CHST11: variants seen among roughly 807,000 people sequenced by gnomAD.
The protein encoded by CHST11 is carbohydrate sulfotransferase 11.
CHST11 carries 9 observed loss-of-function variants against 30.4 expected under a neutral mutation model. The ratio of observed to expected loss-of-function variants is 0.30; its 90% CI spans 0.18 to 0.52. CHST11 has a LOEUF of 0.52. Among genes scored for constraint, CHST11 ranks in the 20% least tolerant of loss-of-function variants. CHST11 has a pLI of 0.97. For synonymous variants in CHST11, 152 were observed against 187.8 expected (o/e 0.81, Z 1.56); for missense variants, 348 against 460.6 (o/e 0.76, Z 2.24).
intron 1 of CHST11, among the ~76,000 whole-genome samples, chr12:104,486,245 G>A (rs372335341): frequency 3.9e-4 from 59 of 151,878 alleles, no homozygotes; most frequent in African/African-American, 1.3e-3. Flanking sequence ...TACCAGTCAC[G>A]GGCAGTCTTC....
intron 1 of CHST11, among the ~76,000 whole-genome samples, chr12:104,479,372 G>C (rs768719980): frequency 1.3e-4 from 19 of 151,888 alleles, no homozygotes; most frequent in Non-Finnish European, 2.4e-4. Context: ...TTCCACAAAA[G>C]TTCTGGAATG....
At position 104,753,743 on chromosome 12, in the gene CHST11, C is replaced by G. The variant is rs559403113; in HGVS notation, c.205-3206C>G. Among the ~76,000 whole-genome samples the G allele has an allele frequency of 1.1e-4, 16 of 152,358 alleles. No homozygotes were observed. In the South Asian group the frequency reaches 3.3e-3, roughly 32 times the overall value. ...CCCAACATTAAAGGTGGCCAAGACC[C>G]CGGCAGTCAGCTAATCTAACTGCCT... On this transcript the variant is annotated intron_variant, in intron 2 of 2. Coordinates refer to ENST00000303694, the MANE Select transcript of CHST11 (RefSeq NM_018413.6).
chr12:104,647,868 C>G (rs1330986876), intron 2 of CHST11, among the ~76,000 whole-genome samples: 1 of 152,194 alleles, frequency 6.6e-6, no homozygotes, highest in African/African-American at 2.4e-5. Flanking sequence ...GTGGTGCCCT[C>G]ACATGGTTAT....
intron 1 of CHST11, chr12:104,514,053 A>C: frequency 1.0e-6 from 1 of 984,480 alleles, no homozygotes; most frequent in Non-Finnish European, 1.6e-6. Flanking sequence ...GGCACTACTC[A>C]TTTCTCTAGC....
chr12:104,734,050 C>T (rs555487794), intron 2 of CHST11, among the ~76,000 whole-genome samples: 1 of 152,302 alleles, frequency 6.6e-6, no homozygotes, highest in African/African-American at 2.4e-5. Flanking sequence ...GGGCACTGCT[C>T]CTCCAAAGAA....
rs534005009 is a variant in CHST11 at position 104,571,222 on chromosome 12, G to T, written c.119-30684G>T. ...CTTATTGCCCAGGCTGGAGTGCAATGGCCCGATCTCAGCTTACTGCAACCT... is the reference window on the plus strand; with the variant it reads ...CTTATTGCCCAGGCTGGAGTGCAATTGCCCGATCTCAGCTTACTGCAACCT... On this transcript the variant is annotated intron_variant, in intron 1 of 2. Coordinates refer to ENST00000303694, the MANE Select transcript of CHST11 (RefSeq NM_018413.6). 1.1e-4 allele frequency among the ~76,000 whole-genome samples: 16 copies of T among 148,396 alleles called. No homozygotes were observed. In the Admixed American group the frequency reaches 1.1e-3, roughly 10 times the overall value.
chr12:104,457,484 TC>T lies in CHST11; in HGVS notation c.75del (p.Phe26LeufsTer60). ...CRMVLATCLG[S>X]FILVIFYFQS... ...GATGGTGCTGGCCACTTGCTTGGGA[TC>T]CTTTATCCTGGTCATCTTCTATTTC... On this transcript the variant is annotated frameshift_variant, in exon 1 of 3. Transcript: ENST00000303694. LOFTEE classifies it high-confidence loss of function. 1 of 1,614,168 alleles carries T rather than the reference TC, an allele frequency of 6.2e-7. No individual in the cohort carries two copies. Among genetic ancestry groups the T allele is most frequent in the Non-Finnish European group, 8.5e-7 (1 of 1,179,972 alleles).
At chr12:104,580,312 TA>T (rs1456818038) in intron 1 of CHST11, among the ~76,000 whole-genome samples, 1 of 152,226 alleles carries the variant, frequency 6.6e-6, no homozygotes, top group Non-Finnish European at 1.5e-5. Flanking sequence ...TCAGCCACAA[TA>T]AAGCCAAAAG....
chr12:104,608,429 C>A (rs980446416), intron 2 of CHST11, among the ~76,000 whole-genome samples: 4 of 152,142 alleles, frequency 2.6e-5, no homozygotes, highest in Admixed American at 1.3e-4. Flanking sequence ...TCACTAAAAC[C>A]TTGGCACTAT....
intron 2 of CHST11, among the ~76,000 whole-genome samples, chr12:104,605,048 C>G (rs1256416741): frequency 6.7e-6 from 1 of 148,846 alleles, no homozygotes; most frequent in Non-Finnish European, 1.5e-5. Flanking sequence ...GAGTGAAATT[C>G]AACCCAAAAA....
At chr12:104,518,537 C>A (rs2038046995) in intron 1 of CHST11, among the ~76,000 whole-genome samples, 1 of 152,124 alleles carries the variant, frequency 6.6e-6, no homozygotes, top group Admixed American at 6.5e-5. Context: ...CTTTGAAGGA[C>A]CCCGGGCAGA....
chr12:104,621,371 C>A (rs2039156899), intron 2 of CHST11, among the ~76,000 whole-genome samples: 1 of 152,260 alleles, frequency 6.6e-6, no homozygotes, highest in South Asian at 2.1e-4. Flanking sequence ...CAGGGCCATT[C>A]AAAACCCAAG....
intron 2 of CHST11, among the ~76,000 whole-genome samples, chr12:104,674,103 C>T (rs2039719663): frequency 6.6e-6 from 1 of 152,142 alleles, no homozygotes; most frequent in Admixed American, 6.5e-5. Context: ...TTTCAGACTG[C>T]GGTCCCAGAG....
At chr12:104,483,997 T>C (rs954144400) in intron 1 of CHST11, among the ~76,000 whole-genome samples, 1 of 152,248 alleles carries the variant, frequency 6.6e-6, no homozygotes, top group Admixed American at 6.5e-5. Context: ...TGTTTGTTTC[T>C]ACTACTGTCT....
At chr12:104,655,071 C>T (rs2039530147) in intron 2 of CHST11, among the ~76,000 whole-genome samples, 1 of 152,212 alleles carries the variant, frequency 6.6e-6, no homozygotes, top group African/African-American at 2.4e-5. Flanking sequence ...CTTATCTCTT[C>T]ATGGAATTCT....
intron 2 of CHST11, among the ~76,000 whole-genome samples, chr12:104,616,825 A>G (rs1411430673): frequency 6.6e-6 from 1 of 152,188 alleles, no homozygotes; most frequent in Non-Finnish European, 1.5e-5. Context: ...AAGCCTTCTT[A>G]GAGCCTGGGA....
intron 2 of CHST11, among the ~76,000 whole-genome samples, chr12:104,733,787 A>G (rs1408953403): frequency 6.6e-6 from 1 of 152,252 alleles, no homozygotes; most frequent in African/African-American, 2.4e-5. Flanking sequence ...GGTTGGCTGC[A>G]CTGATCTTAT....
At chr12:104,551,543 G>A (rs1428007645) in intron 1 of CHST11, among the ~76,000 whole-genome samples, 1 of 152,008 alleles carries the variant, frequency 6.6e-6, no homozygotes, top group Non-Finnish European at 1.5e-5. Flanking sequence ...TGAGATAATC[G>A]CCCTCCTCCT....
chr12:104,665,049 CAG>C (rs1226981571), intron 2 of CHST11, among the ~76,000 whole-genome samples: 3 of 152,224 alleles, frequency 2.0e-5, no homozygotes, highest in Non-Finnish European at 2.9e-5. Flanking sequence ...CTAGCAGACT[CAG>C]GGGGTAACTC....
Sources: gnomAD v4.1 joint callset for allele counts (sites outside exome capture counted in the v4.1 genomes callset) on GRCh38, gnomAD v4.1.1 for gene constraint, MANE v1.5 for transcripts, NCBI Gene and HGNC (gene_info 2026-07-23, HGNC 2026-07-21) for gene names.